The following KIF6 variants were observed in gnomAD, a reference collection of about 807,000 sequenced individuals.
KIF6 encodes the protein kinesin family member 6, also known as kinesin-like protein KIF6.
Under a neutral mutation model 112.7 loss-of-function variants are expected in KIF6, and 106 were observed. The observed-to-expected ratio is 0.94, with a 90% CI of 0.80 to 1.11. The LOEUF is 1.11. Ranked by LOEUF, KIF6 falls within the 50% of genes least tolerant of loss-of-function variation. KIF6 has a pLI of 0.00. For missense variants in KIF6, 929 were observed against 964.0 expected (o/e 0.96, Z 0.48); for synonymous variants, 339 against 339.9 (o/e 1.00, Z 0.03).
At chr6:39,419,833 G>T in intron 15 of KIF6, 115 bp downstream of exon 15, 1 of 875,378 alleles carries the variant, frequency 1.1e-6, no homozygotes, top group Non-Finnish European at 2.0e-6. Context: ...CCTTGGCAGG[G>T]GCTCTCCTGA....
intron 15 of KIF6, among the ~76,000 whole-genome samples, chr6:39,397,588 T>A (rs979708756): frequency 6.6e-6 from 1 of 152,176 alleles, no homozygotes; most frequent in African/African-American, 2.4e-5. Context: ...TGGCTCTGTT[T>A]CTTACCGATC....
rs1380155439 is a variant in KIF6 at position 39,714,750 on chromosome 6, C to A, written c.193G>T (p.Asp65Tyr). Residue 65 changes from aspartate (D) to tyrosine (Y), a missense_variant, in exon 3 of 23, where the codon GAT becomes TAT. Asp to Tyr is a radical substitution (Grantham distance 160). Coordinates refer to ENST00000287152, the MANE Select transcript of KIF6 (RefSeq NM_145027.6). ...SYKFKFQRIFDQDANQETVFE... is the reference protein window; with the variant it reads ...SYKFKFQRIFYQDANQETVFE... ...ACGGTCTCTTGGTTTGCATCCTGAT[C>A]AAAAATTCTTTGAAATCTGCAATGT... 8 of 1,612,138 alleles carry A rather than the reference C, an allele frequency of 5.0e-6. No homozygotes were observed. In the East Asian group the frequency reaches 8.9e-5, roughly 18 times the overall value.
intron 13 of KIF6, among the ~76,000 whole-genome samples, chr6:39,490,127 G>A (rs59724542): frequency 0.061 from 9,219 of 152,252 alleles, 492 homozygotes; most frequent in East Asian, 0.25. Context: ...AAGAAATGCT[G>A]GGAGAGAGAG....
intron 10 of KIF6, among the ~76,000 whole-genome samples, chr6:39,565,031 T>C (rs999014320): frequency 1.3e-5 from 2 of 152,240 alleles, no homozygotes; most frequent in Non-Finnish European, 2.9e-5. Context: ...GGGACAAGTA[T>C]CCATATTGTA....
In KIF6 at chr6:39,419,978, C is replaced by A; in HGVS notation, c.1780G>T (p.Glu594Ter). 6.2e-7 allele frequency: 1 copy of A among 1,613,396 alleles called. No homozygotes were observed. Among genetic ancestry groups the A allele is most frequent in the Non-Finnish European group, 8.5e-7 (1 of 1,179,458 alleles). The change falls in exon 15 of 23, where the codon GAA becomes TAA. Residue 594 changes from glutamate (E) to a stop codon, truncating the protein, a stop_gained. Coordinates refer to ENST00000287152, the MANE Select transcript of KIF6 (RefSeq NM_145027.6). LOFTEE classifies it high-confidence loss of function. ...TTACTTCTTGCTTCATTTATACTTT[C>A]TCCCAGGGCCTTGGCTTCAGAAAAT... ...QRFSEAKALGESINEARSKIG... is the reference protein window; with the variant it reads ...QRFSEAKALG
chr6:39,553,065 TA>T (rs1372102372), intron 10 of KIF6, among the ~76,000 whole-genome samples: 2 of 152,214 alleles, frequency 1.3e-5, no homozygotes, highest in African/African-American at 4.8e-5. Context: ...CCAATTGACT[TA>T]AAAGTAGTCA....
chr6:39,692,062 T>A (rs1315069191), intron 3 of KIF6, among the ~76,000 whole-genome samples: 4 of 152,214 alleles, frequency 2.6e-5, no homozygotes, highest in Non-Finnish European at 5.9e-5. Context: ...ATAGATTTCT[T>A]CACCTGAACG....
chr6:39,724,777 T>C (rs1228480473), intron 1 of KIF6, among the ~76,000 whole-genome samples: 6 of 152,294 alleles, frequency 3.9e-5, no homozygotes, highest in Non-Finnish European at 8.8e-5. Flanking sequence ...TGTCTATCTA[T>C]ATTTGTATTA....
chr6:39,406,120 A>G (rs1769075358), intron 15 of KIF6, among the ~76,000 whole-genome samples: 1 of 152,102 alleles, frequency 6.6e-6, no homozygotes, highest in Non-Finnish European at 1.5e-5. Context: ...CCTGGGTTCA[A>G]GTGATTCTCG....
chr6:39,370,819 G>T (rs1235946764), intron 16 of KIF6, among the ~76,000 whole-genome samples: 1 of 152,002 alleles, frequency 6.6e-6, no homozygotes, highest in Non-Finnish European at 1.5e-5. Context: ...ATCTGTGTGG[G>T]TGCTGGGGGT....
chr6:39,468,766 T>C (rs924658807), intron 13 of KIF6, among the ~76,000 whole-genome samples: 1 of 149,520 alleles, frequency 6.7e-6, no homozygotes, highest in Non-Finnish European at 1.5e-5. Flanking sequence ...CAATTCCACA[T>C]GAAAAAAAAA....
At chr6:39,549,996 C>G (rs1389059828) in intron 10 of KIF6, among the ~76,000 whole-genome samples, 1 of 151,750 alleles carries the variant, frequency 6.6e-6, no homozygotes, top group East Asian at 2.0e-4. Context: ...GGGAGCAGAT[C>G]AGCAGTCCCG....
intron 16 of KIF6, among the ~76,000 whole-genome samples, chr6:39,383,706 T>C (rs1475798578): frequency 2.6e-5 from 4 of 152,168 alleles, no homozygotes; most frequent in Non-Finnish European, 5.9e-5. Flanking sequence ...AAAAATGACA[T>C]TGGTAATTTG....
intron 19 of KIF6, among the ~76,000 whole-genome samples, chr6:39,348,124 C>T (rs1407819751): frequency 6.6e-6 from 1 of 152,242 alleles, no homozygotes; most frequent in East Asian, 1.9e-4. Flanking sequence ...AAAGGGCTTT[C>T]CATCCTGCAA....
At position 39,717,784 on chromosome 6, in the gene KIF6, C is replaced by T. The variant is rs1409037768; in HGVS notation, c.176+2918G>A. Among the ~76,000 whole-genome samples, 3 of 152,070 alleles carry T rather than the reference C, an allele frequency of 2.0e-5. No homozygotes were observed. The East Asian group carries it at 5.8e-4, about 29-fold the overall frequency. On this transcript the variant is annotated intron_variant, in intron 2 of 22. Coordinates refer to ENST00000287152, the MANE Select transcript of KIF6 (RefSeq NM_145027.6). ...TTGGGGGAAAACAGCCTTTAAAATG[C>T]TTAAATATTTATCTCTGAACATATG...
chr6:39,409,868 C>A (rs1209825697), intron 15 of KIF6, among the ~76,000 whole-genome samples: 2 of 152,182 alleles, frequency 1.3e-5, no homozygotes, highest in African/African-American at 4.8e-5. Context: ...GCAGGTATTC[C>A]CTGTTCAGCA....
intron 3 of KIF6, chr6:39,691,544 T>C (rs1229913440): frequency 6.6e-6 from 1 of 152,228 alleles, no homozygotes. Context: ...AGAATTTCTA[T>C]GTATGAAAAC....
intron 3 of KIF6, among the ~76,000 whole-genome samples, chr6:39,706,282 G>A (rs559322677): frequency 3.3e-5 from 5 of 152,188 alleles, no homozygotes; most frequent in Non-Finnish European, 4.4e-5. Flanking sequence ...AAGAGAAACC[G>A]AGATTTAGGC....
At chr6:39,566,466 C>T (rs1408542482) in intron 10 of KIF6, among the ~76,000 whole-genome samples, 4 of 152,110 alleles carry the variant, frequency 2.6e-5, no homozygotes, top group African/African-American at 9.7e-5. Flanking sequence ...AGAGTGTGGA[C>T]AGTAAGATGC....
Sources: allele counts gnomAD v4.1 joint callset (sites outside exome capture counted in the v4.1 genomes callset), GRCh38; gene constraint gnomAD v4.1.1; transcripts MANE v1.5; gene names NCBI Gene and HGNC (gene_info 2026-07-23, HGNC 2026-07-21).